Variants in AKT3 observed in about 807,000 individuals in gnomAD.
AKT3 encodes RAC-gamma serine/threonine-protein kinase.
In AKT3, 15 loss-of-function variants were observed where a neutral mutation model predicts 65.3. That is an observed-to-expected ratio of 0.23 (90% CI 0.15 to 0.35). The LOEUF is 0.35. Ranked by LOEUF, AKT3 falls within the 10% of genes least tolerant of loss-of-function variation. AKT3 has a pLI of 1.00. For synonymous variants in AKT3, 206 were observed against 183.8 expected, an observed-to-expected ratio of 1.12 and a Z score of -0.98; for missense variants, 243 against 576.5, an observed-to-expected ratio of 0.42 and a Z score of 5.92.
chr1:243,789,252 GGTGT>G (rs1440968296), intron 2 of AKT3, among the ~76,000 whole-genome samples: 1 of 152,158 alleles, frequency 6.6e-6, no homozygotes, highest in East Asian at 1.9e-4. Flanking sequence ...CAGGCACAGT[GGTGT>G]GTGACTGTGG....
At chr1:243,561,989 T>C (rs1005083769) in intron 10 of AKT3, among the ~76,000 whole-genome samples, 6 of 152,068 alleles carry the variant, frequency 3.9e-5, no homozygotes, top group African/African-American at 1.4e-4. Context: ...TTGTGTGACT[T>C]CTGAAAATAG....
intron 2 of AKT3, among the ~76,000 whole-genome samples, chr1:243,765,934 T>C (rs1399539750): frequency 6.6e-6 from 1 of 152,124 alleles, no homozygotes; most frequent in Non-Finnish European, 1.5e-5. Context: ...ATTATACAAT[T>C]TTTTGGCTGA....
intron 6 of AKT3, among the ~76,000 whole-genome samples, chr1:243,621,338 C>T (rs988737261): frequency 6.6e-6 from 1 of 152,194 alleles, no homozygotes; most frequent in Non-Finnish European, 1.5e-5. Context: ...CTCCTTCCTC[C>T]TGAAAACGTG....
chr1:243,770,636 A>G (rs554170586), intron 2 of AKT3, among the ~76,000 whole-genome samples: 10 of 152,210 alleles, frequency 6.6e-5, no homozygotes, highest in African/African-American at 1.9e-4. Context: ...AGTATACCAC[A>G]GAATACAATG....
intron 3 of AKT3, among the ~76,000 whole-genome samples, chr1:243,666,304 C>G (rs552537756): frequency 9.0e-4 from 137 of 152,048 alleles, no homozygotes; most frequent in Non-Finnish European, 1.5e-3. Context: ...GTATCCAGCC[C>G]CAGATTAGCT....
chr1:243,491,778 G>C (rs554367873), intron 13 of AKT3, among the ~76,000 whole-genome samples: 8 of 152,222 alleles, frequency 5.3e-5, no homozygotes, highest in Non-Finnish European at 1.0e-4. Context: ...CACCCTCTCT[G>C]TTTTCCTGGA....
At chr1:243,523,928 GTCTCT>G (rs1670884421) in intron 12 of AKT3, among the ~76,000 whole-genome samples, 1 of 152,170 alleles carries the variant, frequency 6.6e-6, no homozygotes, top group Non-Finnish European at 1.5e-5. Flanking sequence ...AATGACAGGG[GTCTCT>G]TCTGAGAAAT....
chr1:243,612,498 T>G (rs1462382358), intron 8 of AKT3: 1 of 152,878 alleles, frequency 6.5e-6, no homozygotes, highest in Non-Finnish European at 1.5e-5. Flanking sequence ...GATATTTAAT[T>G]ATTTATTTTG....
chr1:243,509,041 G>A (rs991754798), intron 13 of AKT3, among the ~76,000 whole-genome samples: 2 of 152,230 alleles, frequency 1.3e-5, no homozygotes, highest in Admixed American at 1.3e-4. Flanking sequence ...TTACTACAAT[G>A]TACAGGCTTC....
At position 243,641,840 on chromosome 1, in the gene AKT3, T is replaced by C. The variant is rs1332650230; in HGVS notation, c.429+4053A>G. On this transcript the variant is annotated intron_variant, in intron 5 of 13. Transcript: ENST00000673466. ...AGTCCCAGCTACCTGGGAGGCTGAG[T>C]TGGGAGAATTACCTGAGCCTGTGAA... Among the ~76,000 whole-genome samples the C allele has an allele frequency of 5.3e-5, 8 of 151,880 alleles. No individual in the cohort carries two copies. The East Asian group carries it at 1.5e-3, about 29-fold the overall frequency.
chr1:243,805,211 A>T (rs1047693402), intron 2 of AKT3, among the ~76,000 whole-genome samples: 1 of 151,924 alleles, frequency 6.6e-6, no homozygotes, highest in Admixed American at 6.6e-5. Context: ...TTCCTCAGTA[A>T]TTCTTCCTTC....
At chr1:243,696,146 T>C (rs1235229508) in intron 2 of AKT3, among the ~76,000 whole-genome samples, 1 of 147,884 alleles carries the variant, frequency 6.8e-6, no homozygotes, top group East Asian at 2.0e-4. Flanking sequence ...TAATTGTGTC[T>C]TTTTTTTTTC....
At chr1:243,533,870 G>C (rs553290251) in intron 12 of AKT3, among the ~76,000 whole-genome samples, 2 of 151,990 alleles carry the variant, frequency 1.3e-5, no homozygotes, top group African/African-American at 4.8e-5. Context: ...GGCGCCTGTA[G>C]TCCCAGCTAC....
At chr1:243,675,017 T>C (rs763744579) in intron 3 of AKT3, among the ~76,000 whole-genome samples, 7 of 152,150 alleles carry the variant, frequency 4.6e-5, no homozygotes, top group Non-Finnish European at 1.0e-4. Flanking sequence ...ATTTCCATCT[T>C]TATGTCCATA....
chr1:243,665,097 T>G (rs1261100719), intron 3 of AKT3, among the ~76,000 whole-genome samples: 1 of 152,102 alleles, frequency 6.6e-6, no homozygotes, highest in Non-Finnish European at 1.5e-5. Flanking sequence ...CTGGACTATA[T>G]AATTTTCCCC....
At chr1:243,511,862 A>AT (rs1670035729) in intron 13 of AKT3, among the ~76,000 whole-genome samples, 1 of 152,254 alleles carries the variant, frequency 6.6e-6, no homozygotes, top group African/African-American at 2.4e-5. Flanking sequence ...TTCACAGATA[A>AT]TACTATTTAA....
intron 2 of AKT3, among the ~76,000 whole-genome samples, chr1:243,794,879 TTC>T (rs1691855976): frequency 6.6e-6 from 1 of 152,206 alleles, no homozygotes; most frequent in African/African-American, 2.4e-5. Flanking sequence ...CTCTGCTAAA[TTC>T]TGTTACCACT....
In AKT3 at chr1:243,696,356, A is replaced by G. The variant is rs567665684; in HGVS notation, c.47-640T>C. On this transcript the variant is annotated intron_variant, in intron 2 of 13. Coordinates refer to ENST00000673466, the MANE Select transcript of AKT3 (RefSeq NM_005465.7). ...CATAGTAACTATTAATATATGGTAC[A>G]GTGTCAAGAACATAATAGTCAATAA... Among the ~76,000 whole-genome samples, 3 of 152,162 alleles carry G rather than the reference A, an allele frequency of 2.0e-5. No homozygotes were observed. In the South Asian group the frequency reaches 6.2e-4, roughly 32 times the overall value.
intron 6 of AKT3, among the ~76,000 whole-genome samples, chr1:243,625,355 A>G (rs1679082943): frequency 6.7e-6 from 1 of 149,882 alleles, no homozygotes; most frequent in African/African-American, 2.5e-5. Flanking sequence ...CTGGTCTCAA[A>G]CTCCTGGCCT....
Sources: allele counts gnomAD v4.1 joint callset (sites outside exome capture counted in the v4.1 genomes callset), GRCh38; gene constraint gnomAD v4.1.1; transcripts MANE v1.5; gene names NCBI Gene and HGNC (gene_info 2026-07-23, HGNC 2026-07-21).